Variants in NRG1 observed in about 807,000 individuals in gnomAD.
NRG1 encodes pro-neuregulin-1, membrane-bound isoform.
A neutral mutation model predicts 63.8 loss-of-function variants in NRG1; 18 were observed. The ratio of observed to expected loss-of-function variants is 0.28; its 90% CI spans 0.19 to 0.42. The LOEUF is 0.42. Ranked by LOEUF, NRG1 falls within the 10% of genes least tolerant of loss-of-function variation. The probability of loss-of-function intolerance (pLI) is 1.00; values close to 1 mark genes in which losing one functional copy is unlikely to be tolerated. For synonymous variants in NRG1, 302 were observed against 301.3 expected (o/e 1.00, Z -0.02); for missense variants, 762 against 814.7 (o/e 0.94, Z 0.79).
chr8:32,583,167 A>G (rs958453029), intron 1 of NRG1, among the ~76,000 whole-genome samples: 1 of 152,036 alleles, frequency 6.6e-6, no homozygotes, highest in East Asian at 1.9e-4. Flanking sequence ...TTTTTCTTAG[A>G]TATTTATAGA....
intron 1 of NRG1, among the ~76,000 whole-genome samples, chr8:32,025,240 A>G (rs1369326811): frequency 2.0e-5 from 3 of 152,162 alleles, no homozygotes; most frequent in African/African-American, 4.8e-5. Context: ...TGCAAAACTC[A>G]TTATGTTGTT....
chr8:32,759,167 A>G, intron 9 of NRG1, 139 bp from the exon 10 acceptor site: 2 of 999,390 alleles, frequency 2.0e-6, no homozygotes, highest in East Asian at 2.7e-5. Flanking sequence ...GGGAAATGGA[A>G]TTTATTACAA....
At chr8:32,518,826 T>G (rs554017759) in intron 1 of NRG1, among the ~76,000 whole-genome samples, 1 of 152,318 alleles carries the variant, frequency 6.6e-6, no homozygotes, top group Non-Finnish European at 1.5e-5. Context: ...AAGATGTGAA[T>G]AAGATCAGAT....
At chr8:32,533,037 C>A (rs1478847278) in intron 1 of NRG1, among the ~76,000 whole-genome samples, 13 of 147,514 alleles carry the variant, frequency 8.8e-5, no homozygotes, top group Non-Finnish European at 1.1e-4. Flanking sequence ...GATGTTTCAC[C>A]AAAAAAAAAA....
At chr8:32,747,720 A>T (rs1827718262) in intron 7 of NRG1, among the ~76,000 whole-genome samples, 1 of 138,006 alleles carries the variant, frequency 7.2e-6, no homozygotes, top group South Asian at 2.3e-4. Context: ...TTGTGTGCAT[A>T]TATGTGTGTG....
chr8:32,751,486 G>GA (rs1201255048), intron 7 of NRG1, among the ~76,000 whole-genome samples: 5 of 151,966 alleles, frequency 3.3e-5, no homozygotes, highest in South Asian at 2.1e-4. Context: ...TTAATATGGG[G>GA]AAAAAAGAGG....
chr8:31,716,736 C>T (rs183922665), intron 1 of NRG1, among the ~76,000 whole-genome samples: 17 of 152,224 alleles, frequency 1.1e-4, no homozygotes, highest in Middle Eastern at 3.4e-3. Context: ...TGTCTAAATA[C>T]GGTTCTAATT....
intron 1 of NRG1, among the ~76,000 whole-genome samples, chr8:32,348,009 C>G (rs1805133363): frequency 6.6e-6 from 1 of 152,192 alleles, no homozygotes; most frequent in Admixed American, 6.5e-5. Context: ...ATATATTACT[C>G]TTTCTTCTCA....
chr8:31,648,075 C>G (rs1804453979), intron 1 of NRG1, among the ~76,000 whole-genome samples: 1 of 149,494 alleles, frequency 6.7e-6, no homozygotes, highest in African/African-American at 2.5e-5. Flanking sequence ...CCCTTTCCTC[C>G]TTTTCCCCAA....
intron 1 of NRG1, among the ~76,000 whole-genome samples, chr8:31,658,545 C>A (rs1332262988): frequency 6.6e-6 from 1 of 152,198 alleles, no homozygotes; most frequent in Admixed American, 6.5e-5. Context: ...TCACTACAAA[C>A]TCTACCTCCC....
At chr8:32,763,294 C>T in intron 11 of NRG1, 3 of 1,613,940 alleles carry the variant, frequency 1.9e-6, no homozygotes, top group Non-Finnish European at 2.5e-6. Context: ...ATCAGCAACT[C>T]ATCTTAGATC....
intron 1 of NRG1, among the ~76,000 whole-genome samples, chr8:31,673,750 T>G (rs929945418): frequency 1.3e-5 from 2 of 152,282 alleles, no homozygotes; most frequent in South Asian, 2.1e-4. Context: ...TATAAATATC[T>G]TAATTTTCAT....
chr8:32,562,472 C>T (rs142476910), intron 1 of NRG1, among the ~76,000 whole-genome samples: 228 of 152,128 alleles, frequency 1.5e-3, no homozygotes, highest in Non-Finnish European at 2.5e-3. Flanking sequence ...TGGTCTAGAA[C>T]TTCTGGGCTC....
At chr8:32,374,800 A>G (rs1415365262) in intron 1 of NRG1, among the ~76,000 whole-genome samples, 3 of 152,164 alleles carry the variant, frequency 2.0e-5, no homozygotes, top group Non-Finnish European at 4.4e-5. Flanking sequence ...AAAGTTACTA[A>G]GAAAACAGGC....
At chr8:32,144,254 AAAG>A (rs1015244455) in intron 1 of NRG1, among the ~76,000 whole-genome samples, 1 of 152,222 alleles carries the variant, frequency 6.6e-6, no homozygotes, top group African/African-American at 2.4e-5. Context: ...GGAAAACAAA[AAAG>A]AAGAAGAAAG....
At chr8:31,934,710 C>G (rs1835158011) in intron 1 of NRG1, among the ~76,000 whole-genome samples, 1 of 151,988 alleles carries the variant, frequency 6.6e-6, no homozygotes, top group Admixed American at 6.6e-5. Context: ...TTTAATGAAA[C>G]TTTTTTTGTG....
intron 1 of NRG1, among the ~76,000 whole-genome samples, chr8:32,093,724 A>G (rs377129702): frequency 2.6e-5 from 4 of 152,320 alleles, no homozygotes; most frequent in South Asian, 4.1e-4. Context: ...TAGTGGGGCA[A>G]AAAACGTTTG....
intron 11 of NRG1, chr8:32,763,219 C>A (rs758006128): frequency 6.2e-7 from 1 of 1,613,086 alleles, no homozygotes; most frequent in South Asian, 1.1e-5. Context: ...TTTCATAAGA[C>A]ATAACCTTAT....
chr8:31,748,836 TCAGA>T (rs773786241), intron 1 of NRG1, among the ~76,000 whole-genome samples: 3 of 151,822 alleles, frequency 2.0e-5, no homozygotes, highest in Non-Finnish European at 2.9e-5. Flanking sequence ...AACCCATACA[TCAGA>T]CAGAAACTCC....
Sources: allele counts gnomAD v4.1 joint callset (sites outside exome capture counted in the v4.1 genomes callset), GRCh38; gene constraint gnomAD v4.1.1; transcripts MANE v1.5; gene names NCBI Gene and HGNC (gene_info 2026-07-23, HGNC 2026-07-21).